Variants in GCFC2 observed in about 807,000 individuals in gnomAD.
GCFC2 encodes GC-rich sequence DNA-binding factor 2.
GCFC2 carries 102 observed loss-of-function variants against 99.4 expected under a neutral mutation model. That is an observed-to-expected ratio of 1.03 (90% CI 0.87 to 1.21). The LOEUF is 1.21. Ranked by LOEUF, GCFC2 falls within the 50% of genes most tolerant of loss-of-function variation. The pLI, the probability that GCFC2 is intolerant of heterozygous loss-of-function variation, is 0.00. For synonymous variants in GCFC2, 338 were observed against 316.8 expected (o/e 1.07, Z -0.71); for missense variants, 973 against 920.9 (o/e 1.06, Z -0.73).
intron 14 of GCFC2, among the ~76,000 whole-genome samples, chr2:75,671,438 T>G (rs895409035): frequency 1.3e-5 from 2 of 152,230 alleles, no homozygotes; most frequent in Admixed American, 1.3e-4. Flanking sequence ...ATCTTCATTA[T>G]GTACAAAATA....
chr2:75,685,823 A>C (rs1679788771), intron 11 of GCFC2, among the ~76,000 whole-genome samples: 1 of 152,102 alleles, frequency 6.6e-6, no homozygotes, highest in African/African-American at 2.4e-5. Context: ...CAAAATCAAC[A>C]TGTCCCAAAC....
intron 15 of GCFC2, among the ~76,000 whole-genome samples, chr2:75,669,398 C>A (rs1407508619): frequency 1.3e-5 from 2 of 152,110 alleles, no homozygotes; most frequent in Non-Finnish European, 2.9e-5. Flanking sequence ...CCTTTTTGAT[C>A]CACTAAAGTT....
Position 75,664,392 on chromosome 2 carries a change from G to GAA in GCFC2, c.*272_*273dup, listed in dbSNP as rs1678735319. ...AAGGTTTCTCCAGTTCCCCTCTTAAGAAAATTGAAAGACCAGCCAAAAGAA... is the reference window on the plus strand; with the variant it reads ...AAGGTTTCTCCAGTTCCCCTCTTAAGAAAAAATTGAAAGACCAGCCAAAAGAA... On this transcript the variant is annotated 3_prime_UTR_variant, in exon 17 of 17. Transcript: ENST00000321027. 1 of 203,546 alleles carries GAA rather than the reference G, an allele frequency of 4.9e-6. No homozygotes were observed. The allele number at this position is 203,546 out of a possible 1,614,324, so 12.6% of individuals were successfully genotyped here.
rs183773491 is a variant in GCFC2 at position 75,703,397 on chromosome 2, T to C, written c.395-974A>G. On this transcript the variant is annotated intron_variant, in intron 2 of 16. Transcript: ENST00000321027. ...ACTTGGAGATGCACAAAAGCTCCCA[T>C]GTTTGAAACAAACAAAAAAAGAGAA... Among the ~76,000 whole-genome samples, 12 of 152,272 alleles carry C rather than the reference T, an allele frequency of 7.9e-5. 1 individual carries two copies. Among genetic ancestry groups the C allele is most frequent in the Admixed American group, 7.2e-4 (11 of 15,296 alleles).
chr2:75,692,079 C>T lies in GCFC2; in HGVS notation c.1042G>A (p.Glu348Lys), dbSNP rs1680097176. ...AAAAGGAGTGCATGCATGGATGATT[C>T]TATTTCTTGGATGTTGATAATCTGA... The part of the protein sequence containing the change: ...NEKIINIQEI[E>K]SSMHALLLKQ... The change falls in exon 7 of 17, where the codon GAA (glutamate) becomes AAA (lysine). Residue 348 changes from glutamate to lysine, a missense_variant. By Grantham distance (56) the Glu-to-Lys change is moderately conservative. Transcript: ENST00000321027. The T allele has an allele frequency of 6.7e-7, 1 of 1,498,432 alleles. No homozygotes were observed. Among genetic ancestry groups the T allele is most frequent in the East Asian group, 2.5e-5 (1 of 40,798 alleles). 92.8% of individuals were successfully genotyped at this position (1,498,432 alleles called of 1,614,324 possible).
chr2:75,686,353 G>A (rs1056262409), intron 11 of GCFC2, among the ~76,000 whole-genome samples: 1 of 151,930 alleles, frequency 6.6e-6, no homozygotes, highest in African/African-American at 2.4e-5. Context: ...CTTCTGCCTC[G>A]GCCTTGCAAA....
At chr2:75,694,630 C>G (rs1203927842) in intron 5 of GCFC2, among the ~76,000 whole-genome samples, 1 of 152,062 alleles carries the variant, frequency 6.6e-6, no homozygotes, top group African/African-American at 2.4e-5. Flanking sequence ...AGTTTTCTTG[C>G]ATTTGTCTTT....
intron 11 of GCFC2, among the ~76,000 whole-genome samples, chr2:75,685,900 A>G (rs1188339990): frequency 6.6e-6 from 1 of 152,170 alleles, no homozygotes. Flanking sequence ...CATTTCAGGA[A>G]ATGGCACCTC....
At chr2:75,696,786 A>G (rs542521809) in intron 4 of GCFC2, among the ~76,000 whole-genome samples, 1 of 151,888 alleles carries the variant, frequency 6.6e-6, no homozygotes, top group South Asian at 2.1e-4. Context: ...TCTTTAAGAC[A>G]TTCTTTCTTT....
intron 3 of GCFC2, 131 bp from the exon 4 acceptor site, chr2:75,701,418 G>A: frequency 1.6e-6 from 1 of 611,586 alleles, no homozygotes; most frequent in Non-Finnish European, 2.9e-6. Flanking sequence ...TAATAATTCT[G>A]GGAAGAAGGC....
Position 75,664,312 on chromosome 2 carries a change from T to G in GCFC2, c.*354A>C, listed in dbSNP as rs1460463458. The G allele has an allele frequency of 6.4e-6, 1 of 156,040 alleles. No homozygotes were observed. Among genetic ancestry groups the G allele is most frequent in the Non-Finnish European group, 1.4e-5 (1 of 70,736 alleles). The allele number at this position is 156,040 out of a possible 1,614,324, so 9.7% of individuals were successfully genotyped here. A position where few individuals can be genotyped will look rare whatever the true frequency, so the allele number is the denominator to read the frequency against. The stretch of plus-strand genomic sequence containing the variant: ...GTTAAAGAGAACTAAAAGATATTAT[T>G]GTGGTTCAGGACAGAAGACTTAGTA... On this transcript the variant is annotated 3_prime_UTR_variant, in exon 17 of 17. Transcript: ENST00000321027.
rs374713738 is a variant in GCFC2, at chr2:75,702,419, C to A, written c.399G>T (p.Lys133Asn). 3 of 1,612,198 alleles carry A rather than the reference C, an allele frequency of 1.9e-6. No homozygotes were observed. In the African/African-American group the frequency reaches 4.0e-5, roughly 22 times the overall value. The change falls in exon 3 of 17, where the codon AAG becomes AAT. Residue 133 changes from lysine (K) to asparagine (N), a missense_variant. Lys to Asn is a moderately conservative substitution (Grantham distance 94). Coordinates refer to ENST00000321027, the MANE Select transcript of GCFC2 (RefSeq NM_003203.5). Reference protein sequence around the residue: ...LGEKELSSTVKIPDAAFIQAA... With the variant: ...LGEKELSSTVNIPDAAFIQAA... Reference sequence around the variant, plus strand: ...CCTGAATAAAAGCTGCATCTGGGATCTTAACTGAAGGAAACAAAGACGAGG... The same window carrying A: ...CCTGAATAAAAGCTGCATCTGGGATATTAACTGAAGGAAACAAAGACGAGG...
upstream of GCFC2, chr2:75,710,987 C>T (rs1681159733): frequency 7.4e-7 from 1 of 1,358,094 alleles, no homozygotes; most frequent in Non-Finnish European, 9.4e-7. Context: ...CTGCCTTCTG[C>T]TCACCGCTAC....
chr2:75,712,717 G>A (rs1199442922), upstream of GCFC2, among the ~76,000 whole-genome samples: 2 of 151,978 alleles, frequency 1.3e-5, no homozygotes, highest in African/African-American at 4.8e-5. Flanking sequence ...TGAGCCCAGC[G>A]AGACCACAAA....
At chr2:75,701,353 A>G in intron 3 of GCFC2, 66 bp from the exon 4 acceptor site, 1 of 854,858 alleles carries the variant, frequency 1.2e-6, no homozygotes, top group Non-Finnish European at 2.0e-6. Context: ...GCAAGCCAAC[A>G]TTTTTTGAGA....
chr2:75,702,317 G>C lies in GCFC2; in HGVS notation c.501C>G (p.Ile167Met), dbSNP rs772226894. ...CTTCGCTCTCTCTCTTCATACCAGA[G>C]ATGGAGGAGGTATGTTGTACATCCA... ...ISLDVQHTSS[I>M]SGMKRESEDD... Residue 167 changes from isoleucine to methionine, a missense_variant, in exon 3 of 17, where the codon ATC becomes ATG. Transcript: ENST00000321027. The C allele has an allele frequency of 1.2e-6, 2 of 1,613,242 alleles. No individual in the cohort carries two copies. Among genetic ancestry groups the C allele is most frequent in the African/African-American group, 2.7e-5 (2 of 75,034 alleles).
chr2:75,670,403 C>T, intron 14 of GCFC2, 119 bp from the exon 15 acceptor site: 3 of 623,988 alleles, frequency 4.8e-6, no homozygotes, highest in Non-Finnish European at 8.5e-6. Context: ...CCTGTTGGAA[C>T]TGTCAATTTT....
chr2:75,686,296 T>C (rs1679812452), intron 11 of GCFC2, among the ~76,000 whole-genome samples: 1 of 152,194 alleles, frequency 6.6e-6, no homozygotes, highest in African/African-American at 2.4e-5. Flanking sequence ...AGATGGGGTT[T>C]CACCTCGTTG....
At chr2:75,681,654 G>C (rs534918388) in intron 11 of GCFC2, among the ~76,000 whole-genome samples, 2 of 151,794 alleles carry the variant, frequency 1.3e-5, no homozygotes, top group Non-Finnish European at 2.9e-5. Flanking sequence ...TGGCTTGGTG[G>C]GTCCCACCCC....
Sources: gnomAD v4.1 joint callset for allele counts (sites outside exome capture counted in the v4.1 genomes callset) on GRCh38, gnomAD v4.1.1 for gene constraint, MANE v1.5 for transcripts, NCBI Gene and HGNC (gene_info 2026-07-23, HGNC 2026-07-21) for gene names.